NCOA7: variants seen among roughly 807,000 people sequenced by gnomAD.
NCOA7 encodes the protein 140 kDa estrogen receptor-associated protein.
A neutral mutation model predicts 104.3 loss-of-function variants in NCOA7; 45 were observed. The ratio of observed to expected loss-of-function variants is 0.43; its 90% CI spans 0.34 to 0.55. The LOEUF (loss-of-function observed/expected upper bound fraction) is 0.55, where lower values mean the gene tolerates loss of function less well. Ranked by LOEUF, NCOA7 falls within the 20% of genes least tolerant of loss-of-function variation. NCOA7 has a pLI of 0.02. For synonymous variants in NCOA7, 398 were observed against 402.3 expected, an observed-to-expected ratio of 0.99 and a Z score of 0.13; for missense variants, 1,041 against 1,119.7, an observed-to-expected ratio of 0.93 and a Z score of 1.00.
At position 125,831,117 on chromosome 6, in the gene NCOA7, C is replaced by T. The variant is rs531699168; in HGVS notation, c.50+15713C>T. ...TACTGTCAGTACATGAAATAGTTAT[C>T]GTTAAGTATTTCAGTTTGCTATAAA... On this transcript the variant is annotated intron_variant, in intron 2 of 15. Transcript: ENST00000392477. 3.9e-5 allele frequency among the ~76,000 whole-genome samples: 6 copies of T among 152,214 alleles called. No homozygotes were observed. In the East Asian group the frequency reaches 9.6e-4, roughly 24 times the overall value.
At chr6:125,891,712 T>C (rs1025692237) in intron 10 of NCOA7, among the ~76,000 whole-genome samples, 1 of 152,206 alleles carries the variant, frequency 6.6e-6, no homozygotes, top group African/African-American at 2.4e-5. Context: ...CCTAGAATGA[T>C]CATTCTTATT....
chr6:125,793,932 A>C (rs1775073618), intron 1 of NCOA7, among the ~76,000 whole-genome samples: 1 of 152,190 alleles, frequency 6.6e-6, no homozygotes, highest in Non-Finnish European at 1.5e-5. Flanking sequence ...CTGTTGCTAA[A>C]TTTGATCAGA....
At chr6:125,800,131 A>G (rs1183141280) in intron 1 of NCOA7, among the ~76,000 whole-genome samples, 1 of 152,260 alleles carries the variant, frequency 6.6e-6, no homozygotes, top group Non-Finnish European at 1.5e-5. Context: ...AGACAACACT[A>G]TCAATTTTAA....
intron 2 of NCOA7, among the ~76,000 whole-genome samples, chr6:125,835,386 GA>G (rs918923565): frequency 6.5e-4 from 91 of 140,450 alleles, no homozygotes; most frequent in Admixed American, 1.8e-3. Flanking sequence ...TACCTTAGGA[GA>G]AAAAAAAAAA....
At chr6:125,814,300 G>A (rs977257818) in intron 1 of NCOA7, among the ~76,000 whole-genome samples, 5 of 152,070 alleles carry the variant, frequency 3.3e-5, no homozygotes, top group African/African-American at 9.7e-5. Context: ...GACTGCAGGC[G>A]TGCACCACCA....
In NCOA7 at chr6:125,888,680, T is replaced by C. The variant is rs538994534; in HGVS notation, c.885-259T>C. 5.9e-5 allele frequency among the ~76,000 whole-genome samples: 9 copies of C among 152,344 alleles called. No individual in the cohort carries two copies. In the South Asian group the frequency reaches 1.9e-3, roughly 32 times the overall value. ...TGTTCATGTATAACTTCCAATTCCA[T>C]CATGTGCTTCCAGTAGGATATGCAA... On this transcript the variant is annotated intron_variant, in intron 8 of 15. Coordinates refer to ENST00000392477, the MANE Select transcript of NCOA7 (RefSeq NM_181782.5).
At chr6:125,895,405 A>G (rs1784924773) in intron 10 of NCOA7, among the ~76,000 whole-genome samples, 1 of 152,220 alleles carries the variant, frequency 6.6e-6, no homozygotes, top group Non-Finnish European at 1.5e-5. Context: ...CTTGAAAAAA[A>G]ATTATGCTGA....
At chr6:125,879,193 G>T (rs1478037811) in intron 5 of NCOA7, among the ~76,000 whole-genome samples, 1 of 151,974 alleles carries the variant, frequency 6.6e-6, no homozygotes, top group Non-Finnish European at 1.5e-5. Flanking sequence ...CTAAACTTTG[G>T]CATTTCCATT....
chr6:125,910,634 C>T (rs1386578716), intron 10 of NCOA7, among the ~76,000 whole-genome samples: 3 of 152,184 alleles, frequency 2.0e-5, no homozygotes, highest in Non-Finnish European at 4.4e-5. Flanking sequence ...AATCCCTATA[C>T]AGCAGAATGT....
Position 125,930,249 on chromosome 6 carries a change from C to T in NCOA7, c.*1478C>T, listed in dbSNP as rs1239251646. The T allele has an allele frequency of 4.6e-5, 7 of 152,240 alleles. No homozygotes were observed. The highest frequency in any genetic ancestry group is 1.0e-4 in the Non-Finnish European group (7 of 68,076). The allele number at this position is 152,240 out of a possible 1,614,324, so 9.4% of individuals were successfully genotyped here. ...GCGGGCACCTGTAATCCCACCTACT[C>T]GGGAGGCTGAGGCAGGAGAATTGCT... On this transcript the variant is annotated 3_prime_UTR_variant, in exon 16 of 16. Coordinates refer to ENST00000392477, the MANE Select transcript of NCOA7 (RefSeq NM_181782.5).
At chr6:125,868,115 T>C (rs1175128929) in intron 3 of NCOA7, among the ~76,000 whole-genome samples, 1 of 152,238 alleles carries the variant, frequency 6.6e-6, no homozygotes, top group Non-Finnish European at 1.5e-5. Context: ...CTTAGTTTTC[T>C]AACAGTTGGA....
intron 8 of NCOA7, among the ~76,000 whole-genome samples, chr6:125,887,734 A>G (rs748757552): frequency 6.6e-6 from 1 of 152,210 alleles, no homozygotes; most frequent in Non-Finnish European, 1.5e-5. Context: ...TTATCTGAAG[A>G]TGATCTGACC....
intron 2 of NCOA7, among the ~76,000 whole-genome samples, chr6:125,819,731 C>A (rs1777988086): frequency 6.6e-6 from 1 of 152,192 alleles, no homozygotes; most frequent in South Asian, 2.1e-4. Context: ...TACACCCCTG[C>A]TGACTCTTCC....
chr6:125,926,715 A>C (rs1379685369), intron 13 of NCOA7, among the ~76,000 whole-genome samples: 1 of 152,242 alleles, frequency 6.6e-6, no homozygotes, highest in Non-Finnish European at 1.5e-5. Flanking sequence ...GTGGTGAAGA[A>C]GACAGCACAC....
intron 10 of NCOA7, among the ~76,000 whole-genome samples, chr6:125,903,777 C>A (rs1221534723): frequency 6.6e-6 from 1 of 151,036 alleles, no homozygotes; most frequent in Admixed American, 6.6e-5. Context: ...ATGATCTCAG[C>A]TCACTGCAAC....
At chr6:125,828,271 A>G (rs1200353248) in intron 2 of NCOA7, among the ~76,000 whole-genome samples, 1 of 152,374 alleles carries the variant, frequency 6.6e-6, no homozygotes, top group East Asian at 1.9e-4. Flanking sequence ...GAGAATTTCA[A>G]GGAGCGAATG....
intron 3 of NCOA7, among the ~76,000 whole-genome samples, chr6:125,855,752 C>T (rs529082663): frequency 8.0e-4 from 122 of 152,024 alleles, no homozygotes; most frequent in African/African-American, 2.8e-3. Flanking sequence ...GGCATGATCT[C>T]GGCTCACTGC....
At position 125,871,374 on chromosome 6, in the gene NCOA7, T is replaced by C. The variant is rs546545423; in HGVS notation, c.272-3515T>C. ...CCAGGGCCAGAAGCACCTCCAGTGC[T>C]TTGTGGACTATGTGCTGCAGCACCC... On this transcript the variant is annotated intron_variant, in intron 3 of 15. Transcript: ENST00000392477. 9.2e-5 allele frequency among the ~76,000 whole-genome samples: 14 copies of C among 152,364 alleles called. 1 individual carries two copies. The highest frequency in any genetic ancestry group is 5.2e-4 in the Admixed American group (8 of 15,308).
At chr6:125,916,854 C>A (rs549169419) in intron 11 of NCOA7, among the ~76,000 whole-genome samples, 1 of 152,326 alleles carries the variant, frequency 6.6e-6, no homozygotes, top group East Asian at 1.9e-4. Context: ...AGTGGCCCTG[C>A]AATACTAATT....
Sources: gnomAD v4.1 joint callset for allele counts (sites outside exome capture counted in the v4.1 genomes callset) on GRCh38, gnomAD v4.1.1 for gene constraint, MANE v1.5 for transcripts, NCBI Gene and HGNC (gene_info 2026-07-23, HGNC 2026-07-21) for gene names.